The following RPL26 variants were observed in gnomAD, a reference collection of about 807,000 sequenced individuals.
RPL26 encodes the protein ribosomal protein L26.
Under a neutral mutation model 16.2 loss-of-function variants are expected in RPL26, and 1 was observed. The ratio of observed to expected loss-of-function variants is 0.06; its 90% confidence interval spans 0.02 to 0.29. RPL26 has a LOEUF of 0.29. Among genes scored for constraint, RPL26 ranks in the 10% least tolerant of loss-of-function variants. The pLI is 1.00. For missense variants in RPL26, 102 were observed against 184.3 expected, an observed-to-expected ratio of 0.55 and a Z score of 2.58; for synonymous variants, 55 against 62.4, an observed-to-expected ratio of 0.88 and a Z score of 0.56.
intron 2 of RPL26, chr17:8,380,164 C>A: frequency 2.1e-6 from 1 of 476,704 alleles, no homozygotes; most frequent in Non-Finnish European, 3.7e-6. Context: ...ATGTGTGCAA[C>A]CTAGTGCTAG....
intron 2 of RPL26, among the ~76,000 whole-genome samples, chr17:8,380,419 T>C (rs1907357067): frequency 6.6e-6 from 1 of 152,192 alleles, no homozygotes; most frequent in South Asian, 2.1e-4. Flanking sequence ...ACTGCTTGTT[T>C]GGGAACCCAT....
intron 2 of RPL26, 81 bp downstream of exon 2, chr17:8,382,062 T>C (rs1255252578): frequency 7.8e-7 from 1 of 1,278,444 alleles, no homozygotes; most frequent in Non-Finnish European, 1.1e-6. Flanking sequence ...CAGAAGCATC[T>C]TTCTCAGGAA....
chr17:8,379,522 C>T (rs1907315965), intron 3 of RPL26: 5 of 533,096 alleles, frequency 9.4e-6, no homozygotes, highest in East Asian at 3.0e-5. Flanking sequence ...TGCAGTGAGC[C>T]GAGATTGTGC....
rs539739791 is a variant in RPL26 at position 8,379,600 on chromosome 17, C to T, written c.309+196G>A. On this transcript the variant is annotated intron_variant, in intron 3 of 3. Transcript: ENST00000648839. ...AACAAACTAACAGAAACATAATGAC[C>T]GTTAACACTTTGATGTCAGAAACAT... 39 of 596,422 alleles carry T rather than the reference C, an allele frequency of 6.5e-5. 2 individuals are homozygous for T. Among genetic ancestry groups the T allele is most frequent in the South Asian group, 4.0e-4 (18 of 44,500 alleles). The allele number at this position is 596,422 out of a possible 1,614,324, so 36.9% of individuals were successfully genotyped here.
chr17:8,379,582 T>C, intron 3 of RPL26: 1 of 585,326 alleles, frequency 1.7e-6, no homozygotes, highest in East Asian at 2.9e-5. Flanking sequence ...AAAAACAAAC[T>C]AACAGAAACA....
chr17:8,377,584 T>C lies in RPL26; in HGVS notation c.418A>G (p.Ile140Val). 1 of 1,596,948 alleles carries C rather than the reference T, an allele frequency of 6.3e-7. No individual in the cohort carries two copies. The highest frequency in any genetic ancestry group is 8.5e-7 in the Non-Finnish European group (1 of 1,177,856). ...TTACTTTATTCCTGCATCTTCTCAA[T>C]GGTTTCTTCCTTGTATTTGCCCTTT... ...KEKGKYKEET[I>V]EKMQE The change falls in exon 4 of 4, where the codon ATT (isoleucine) becomes GTT (valine). Residue 140 changes from isoleucine to valine, a missense_variant. By Grantham distance (29) the Ile-to-Val change is conservative. Coordinates refer to ENST00000648839, the MANE Select transcript of RPL26 (RefSeq NM_000987.5).
At position 8,382,197 on chromosome 17, in the gene RPL26, C is replaced by T. The variant is rs765271193; in HGVS notation, c.114G>A (p.Leu38=). 1 of 1,613,982 alleles carries T rather than the reference C, an allele frequency of 6.2e-7. No individual in the cohort carries two copies. The highest frequency in any genetic ancestry group is 8.5e-7 in the Non-Finnish European group (1 of 1,179,876). The part of the protein sequence containing the change: ...KIMSSPLSKE[L]RQKYNVRSMP... ...TGGATCGCACGTTGTACTTCTGTCT[C>T]AGCTCTTTGGAAAGAGGGGAAGACA... is the stretch of plus-strand genomic sequence containing the variant. Residue 38 remains leucine, a synonymous_variant, in exon 2 of 4, where the codon CTG becomes CTA. Transcript: ENST00000648839.
In RPL26 at chr17:8,377,618, T is replaced by A. The variant is rs201307266; in HGVS notation, c.384A>T (p.Val128=). 9 of 1,608,358 alleles carry A rather than the reference T, an allele frequency of 5.6e-6. No individual in the cohort carries two copies. The East Asian group carries it at 2.0e-4, about 36-fold the overall frequency. The change falls in exon 4 of 4, where the codon GTA becomes GTT. Residue 128 remains valine, a synonymous_variant. Coordinates refer to ENST00000648839, the MANE Select transcript of RPL26 (RefSeq NM_000987.5). ...ILERKAKSRQ[V]GKEKGKYKEE... ...CCTTGTATTTGCCCTTTTCCTTTCC[T>A]ACTTGGCGAGATTTGGCTTTCCGTT...
intron 1 of RPL26, chr17:8,382,835 G>A (rs549045183): frequency 3.1e-5 from 12 of 389,706 alleles, no homozygotes; most frequent in Admixed American, 8.9e-5. Flanking sequence ...GGGCAAGTGT[G>A]GTCTGGAAAT....
At chr17:8,382,818 T>A (rs9902180) in intron 1 of RPL26, 122,646 of 383,612 alleles carry the variant, frequency 0.32, 20,852 homozygotes, top group Admixed American at 0.47. Context: ...CCTAAAAGCC[T>A]CCCAGTGGGC....
Position 8,383,186 on chromosome 17 carries a change from G to A in RPL26, c.-35C>T, listed in dbSNP as rs1057144105. The stretch of plus-strand genomic sequence containing the variant: ...TCCCGCTTCGGTGATGGCCGCAAAA[G>A]GGAAGAGAACTACACGCTGCTTCCG... On this transcript the variant is annotated 5_prime_UTR_variant, in exon 1 of 4. Coordinates refer to ENST00000648839, the MANE Select transcript of RPL26 (RefSeq NM_000987.5). 6.5e-5 allele frequency: 26 copies of A among 398,468 alleles called. No individual in the cohort carries two copies. The highest frequency in any genetic ancestry group is 1.8e-4 in the Admixed American group (4 of 22,714). 24.7% of individuals were successfully genotyped at this position (398,468 alleles called of 1,614,324 possible).
chr17:8,383,052 T>G (rs1907502467), intron 1 of RPL26, 105 bp downstream of exon 1: 1 of 398,620 alleles, frequency 2.5e-6, no homozygotes, highest in Admixed American at 4.4e-5. Flanking sequence ...CCTTCCTGGC[T>G]GCTACTCGGC....
intron 1 of RPL26, chr17:8,382,777 GA>G (rs1907485691): frequency 2.8e-6 from 1 of 357,268 alleles, no homozygotes; most frequent in African/African-American, 2.1e-5. Flanking sequence ...CCACCAACCC[GA>G]ACCTGGAAAA....
Position 8,383,159 on chromosome 17 carries a change from G to T in RPL26, c.-8C>A, listed in dbSNP as rs1273961762. 1 of 398,542 alleles carries T rather than the reference G, an allele frequency of 2.5e-6. No homozygotes were observed. Among genetic ancestry groups the T allele is most frequent in the African/African-American group, 2.1e-5 (1 of 48,632 alleles). 24.7% of individuals were successfully genotyped at this position (398,542 alleles called of 1,614,324 possible). A position where few individuals can be genotyped will look rare whatever the true frequency, so the allele number is the denominator to read the frequency against. ...CCGCTTGCCCGCCGAATCCTTACCC[G>T]CTCCCGCTTCGGTGATGGCCGCAAA... is the stretch of plus-strand genomic sequence containing the variant. On this transcript the variant is annotated splice_region_variant and 5_prime_UTR_variant, in exon 1 of 4. Coordinates refer to ENST00000648839, the MANE Select transcript of RPL26 (RefSeq NM_000987.5).
At position 8,382,091 on chromosome 17, in the gene RPL26, C is replaced by A. The variant is rs532861404; in HGVS notation, c.168+52G>T. ...TCAGGAATGCAATCTCTCTTCTAAG[C>A]TAAGTGCGTAAAATATCCATCAAGA... On this transcript the variant is annotated intron_variant, in intron 2 of 3. Coordinates refer to ENST00000648839, the MANE Select transcript of RPL26 (RefSeq NM_000987.5). 18 of 1,485,802 alleles carry A rather than the reference C, an allele frequency of 1.2e-5. No individual in the cohort carries two copies. In the South Asian group the frequency reaches 2.0e-4, roughly 16 times the overall value. 92.0% of individuals were successfully genotyped at this position (1,485,802 alleles called of 1,614,324 possible). A position where few individuals can be genotyped will look rare whatever the true frequency, so the allele number is the denominator to read the frequency against.
rs1907468539 is a variant in RPL26 at position 8,382,475 on chromosome 17, C to T, written c.-5-160G>A. On this transcript the variant is annotated intron_variant, in intron 1 of 3. Transcript: ENST00000648839. ...TGTTTGATCGGAAGGGCCTATCAAC[C>T]GAAGCTCGAAACTTTTTATTTTTTG... The T allele has an allele frequency of 1.2e-5, 7 of 576,460 alleles. No individual in the cohort carries two copies. In the South Asian group the frequency reaches 1.4e-4, roughly 11 times the overall value. 35.7% of individuals were successfully genotyped at this position (576,460 alleles called of 1,614,324 possible). A position where few individuals can be genotyped will look rare whatever the true frequency, so the allele number is the denominator to read the frequency against.
At position 8,379,983 on chromosome 17, in the gene RPL26, C is replaced by T. The variant is rs528394034; in HGVS notation, c.169-47G>A. On this transcript the variant is annotated intron_variant, in intron 2 of 3. Coordinates refer to ENST00000648839, the MANE Select transcript of RPL26 (RefSeq NM_000987.5). ...ACAAATATTTGAATAAAAGATTAAC[C>T]TTGTAAATCAAGTAAACAAACTCAT... The T allele has an allele frequency of 5.2e-5, 80 of 1,523,876 alleles. No homozygotes were observed. The South Asian group carries it at 7.9e-4, about 15-fold the overall frequency. 94.4% of individuals were successfully genotyped at this position (1,523,876 alleles called of 1,614,324 possible). A position where few individuals can be genotyped will look rare whatever the true frequency, so the allele number is the denominator to read the frequency against.
intron 2 of RPL26, among the ~76,000 whole-genome samples, chr17:8,380,408 C>T (rs1907355645): frequency 6.6e-6 from 1 of 152,204 alleles, no homozygotes. Flanking sequence ...TCTCAACCCA[C>T]ACTGCTTGTT....
Position 8,379,925 on chromosome 17 carries a change from T to C in RPL26, c.180A>G (p.Gly60=). 2 of 1,609,580 alleles carry C rather than the reference T, an allele frequency of 1.2e-6. No homozygotes were observed. The highest frequency in any genetic ancestry group is 1.7e-6 in the Non-Finnish European group (2 of 1,178,472). ...TGCCAATTTGCTGACCTTTATAGTG[T>C]CCACGTACAACCTAAGAGCAAATTC... ...RKDDEVQVVR[G]HYKGQQIGKV... is the part of the protein sequence containing the mutation. The change falls in exon 3 of 4, where the codon GGA becomes GGG. Residue 60 remains glycine (G), a synonymous_variant. Coordinates refer to ENST00000648839, the MANE Select transcript of RPL26 (RefSeq NM_000987.5).
Sources: gnomAD v4.1 joint callset for allele counts (sites outside exome capture counted in the v4.1 genomes callset) on GRCh38, gnomAD v4.1.1 for gene constraint, MANE v1.5 for transcripts, NCBI Gene and HGNC (gene_info 2026-07-23, HGNC 2026-07-21) for gene names.